FCHO2: variants seen among roughly 807,000 people sequenced by gnomAD.
The protein encoded by FCHO2 is F-BAR domain only protein 2.
In FCHO2, 43 loss-of-function variants were observed where a neutral mutation model predicts 114.1. The ratio of observed to expected loss-of-function variants is 0.38; its 90% CI spans 0.30 to 0.49. The LOEUF is 0.49. FCHO2 is among the 20% of genes least tolerant of loss of function. FCHO2 has a pLI of 0.97. For missense variants in FCHO2, 807 were observed against 950.4 expected, an observed-to-expected ratio of 0.85 and a Z score of 1.98; for synonymous variants, 293 against 315.2, an observed-to-expected ratio of 0.93 and a Z score of 0.75.
chr5:73,073,399 C>T (rs1298228377), intron 19 of FCHO2, among the ~76,000 whole-genome samples: 1 of 152,064 alleles, frequency 6.6e-6, no homozygotes, highest in Non-Finnish European at 1.5e-5. Flanking sequence ...ATCTTTGTGT[C>T]TTTTTGTCAC....
Position 73,090,276 on chromosome 5 carries a change from T to C in FCHO2, c.*2186T>C, listed in dbSNP as rs186190506. On this transcript the variant is annotated 3_prime_UTR_variant, in exon 26 of 26. Coordinates refer to ENST00000430046, the MANE Select transcript of FCHO2 (RefSeq NM_138782.3). The stretch of plus-strand genomic sequence containing the variant: ...AGACCAGTAGATTTTCAATGGGAAA[T>C]GTACCTAGCAAGCTGGTTCTTGCTT... 3.9e-5 allele frequency: 6 copies of C among 152,672 alleles called. No homozygotes were observed. The highest frequency in any genetic ancestry group is 7.2e-5 in the African/African-American group (3 of 41,568). 9.5% of individuals were successfully genotyped at this position (152,672 alleles called of 1,614,324 possible).
chr5:73,053,097 A>G (rs1757410972), intron 13 of FCHO2, among the ~76,000 whole-genome samples: 1 of 152,226 alleles, frequency 6.6e-6, no homozygotes, highest in South Asian at 2.1e-4. Flanking sequence ...CACTATGTGA[A>G]AAAAGCAATT....
At chr5:73,015,814 CATAAGT>C (rs1333374609) in intron 7 of FCHO2, 90 bp downstream of exon 7, 17 of 693,488 alleles carry the variant, frequency 2.5e-5, no homozygotes, top group African/African-American at 1.3e-4. Flanking sequence ...GTTCAAAGTT[CATAAGT>C]ATAATACCGA....
At chr5:72,966,608 A>T (rs1365988359) in intron 1 of FCHO2, among the ~76,000 whole-genome samples, 1 of 152,246 alleles carries the variant, frequency 6.6e-6, no homozygotes, top group Non-Finnish European at 1.5e-5. Context: ...CAGATGTGAC[A>T]TTTTAATTTG....
intron 2 of FCHO2, among the ~76,000 whole-genome samples, chr5:72,971,794 G>C (rs1418485907): frequency 6.6e-6 from 1 of 152,198 alleles, no homozygotes; most frequent in Non-Finnish European, 1.5e-5. Flanking sequence ...GTCCTGAATA[G>C]TAATGCCTAG....
At chr5:72,959,034 G>C (rs1057183461) in intron 1 of FCHO2, among the ~76,000 whole-genome samples, 1 of 152,146 alleles carries the variant, frequency 6.6e-6, no homozygotes, top group Non-Finnish European at 1.5e-5. Context: ...TTGAATTCTG[G>C]AGAGACCTCC....
intron 8 of FCHO2, among the ~76,000 whole-genome samples, chr5:73,022,692 G>T (rs985588546): frequency 6.6e-6 from 1 of 152,188 alleles, no homozygotes; most frequent in Non-Finnish European, 1.5e-5. Context: ...GAGACTTTTT[G>T]TTTGCGAATG....
rs764486767 is a variant in FCHO2 at position 73,068,734 on chromosome 5, A to G, written c.1534A>G (p.Ile512Val). 3.1e-6 allele frequency: 5 copies of G among 1,612,274 alleles called. No individual in the cohort carries two copies. The highest frequency in any genetic ancestry group is 2.7e-5 in the African/African-American group (2 of 74,808). The change falls in exon 19 of 26, where the codon ATC (isoleucine) becomes GTC (valine). Residue 512 changes from isoleucine to valine, a missense_variant. By Grantham distance (29) the Ile-to-Val change is conservative (BLOSUM62 3). Transcript: ENST00000430046. ...PLARAESSSS[I>V]SSSASLSAAN... Reference sequence around the variant, plus strand: ...AGCCCGGGCAGAAAGTTCTTCTTCTATCTCATCATCTGCTTCATTGAGTGC... The same window carrying G: ...AGCCCGGGCAGAAAGTTCTTCTTCTGTCTCATCATCTGCTTCATTGAGTGC...
At chr5:72,962,754 G>A (rs1290612400) in intron 1 of FCHO2, among the ~76,000 whole-genome samples, 2 of 151,998 alleles carry the variant, frequency 1.3e-5, no homozygotes, top group African/African-American at 4.8e-5. Flanking sequence ...TTAGCTGGGC[G>A]TGATGGTGCG....
chr5:73,033,546 G>T (rs1756344298), intron 8 of FCHO2, among the ~76,000 whole-genome samples: 1 of 151,982 alleles, frequency 6.6e-6, no homozygotes, highest in South Asian at 2.1e-4. Flanking sequence ...CATCTCAGAA[G>T]AACCAGTAAC....
At chr5:73,041,370 C>T in intron 11 of FCHO2, 55 bp downstream of exon 11, 1 of 1,090,280 alleles carries the variant, frequency 9.2e-7, no homozygotes. Flanking sequence ...TTCATTAGGA[C>T]AAACCTAACA....
Position 73,088,111 on chromosome 5 carries a change from G to T in FCHO2, c.*21G>T, listed in dbSNP as rs1364989421. On this transcript the variant is annotated 3_prime_UTR_variant, in exon 26 of 26. Coordinates refer to ENST00000430046, the MANE Select transcript of FCHO2 (RefSeq NM_138782.3). ...GTTGATGGACCTGGGAAAGTGATGT[G>T]GCTTCAGGGATTACAAACCTGCCAT... is the stretch of plus-strand genomic sequence containing the variant. 1.2e-6 allele frequency: 2 copies of T among 1,612,790 alleles called. No individual in the cohort carries two copies. The highest frequency in any genetic ancestry group is 1.7e-6 in the Non-Finnish European group (2 of 1,179,390).
At chr5:73,017,189 T>C (rs1447472471) in intron 7 of FCHO2, 23 bp from the exon 8 acceptor site, 1 of 1,343,734 alleles carries the variant, frequency 7.4e-7, no homozygotes. Context: ...AAAGAAAAAG[T>C]TATCTTTATT....
chr5:73,074,996 G>T, intron 20 of FCHO2, 143 bp downstream of exon 20: 1 of 635,626 alleles, frequency 1.6e-6, no homozygotes. Flanking sequence ...CTGCTTTTTT[G>T]CTATCTAAGG....
At chr5:73,037,653 T>C in intron 10 of FCHO2, 1 of 280,820 alleles carries the variant, frequency 3.6e-6, no homozygotes, top group South Asian at 3.1e-5. Context: ...CATACATTGA[T>C]GGAAAATGTT....
At chr5:73,051,448 A>C in intron 12 of FCHO2, 42 bp downstream of exon 12, 2 of 1,294,652 alleles carry the variant, frequency 1.5e-6, no homozygotes, top group Non-Finnish European at 2.1e-6. Flanking sequence ...TTATGTTGGC[A>C]TATAAGTAGG....
intron 5 of FCHO2, 73 bp downstream of exon 5, chr5:72,990,937 A>T: frequency 3.5e-6 from 5 of 1,446,406 alleles, no homozygotes; most frequent in Non-Finnish European, 4.6e-6. Flanking sequence ...TAACATTTAG[A>T]TCAAACTGAA....
intron 7 of FCHO2, 88 bp downstream of exon 7, chr5:73,015,812 T>A (rs1485099677): frequency 2.0e-5 from 14 of 710,668 alleles, no homozygotes; most frequent in Non-Finnish European, 2.8e-5. Flanking sequence ...CTGTTCAAAG[T>A]TCATAAGTAT....
intron 11 of FCHO2, among the ~76,000 whole-genome samples, chr5:73,044,935 T>C (rs1756984496): frequency 6.6e-6 from 1 of 152,200 alleles, no homozygotes; most frequent in African/African-American, 2.4e-5. Context: ...ATGGATTGAA[T>C]GGGTAAAGAT....
Sources: gnomAD v4.1 joint callset for allele counts (sites outside exome capture counted in the v4.1 genomes callset) on GRCh38, gnomAD v4.1.1 for gene constraint, MANE v1.5 for transcripts, NCBI Gene and HGNC (gene_info 2026-07-23, HGNC 2026-07-21) for gene names.